Variants in MBOAT2 observed in about 807,000 individuals in gnomAD.
MBOAT2 encodes membrane bound glycerophospholipid O-acyltransferase 2, also known as membrane-bound glycerophospholipid O-acyltransferase 2.
A neutral mutation model predicts 63.4 loss-of-function variants in MBOAT2; 28 were observed. That is an observed-to-expected ratio of 0.44 (90% CI 0.33 to 0.61). The LOEUF (loss-of-function observed/expected upper bound fraction) is 0.61. MBOAT2 is among the 20% of genes least tolerant of loss of function. The pLI, the probability that MBOAT2 is intolerant of heterozygous loss-of-function variation, is 0.03. For missense variants in MBOAT2, 470 were observed against 605.8 expected (o/e 0.78, Z 2.35); for synonymous variants, 211 against 215.6 (o/e 0.98, Z 0.19).
At chr2:8,902,690 T>G (rs1480858863) in intron 4 of MBOAT2, among the ~76,000 whole-genome samples, 1 of 152,210 alleles carries the variant, frequency 6.6e-6, no homozygotes, top group East Asian at 1.9e-4. Flanking sequence ...CTGGACTTGC[T>G]CATTCCTCCC....
At chr2:8,893,970 A>C (rs1377092418) in intron 4 of MBOAT2, among the ~76,000 whole-genome samples, 2 of 151,462 alleles carry the variant, frequency 1.3e-5, no homozygotes, top group Non-Finnish European at 2.9e-5. Context: ...TTTTTTTAAT[A>C]CTCTAAGTTC....
intron 3 of MBOAT2, among the ~76,000 whole-genome samples, chr2:8,917,000 A>C (rs1030839404): frequency 6.6e-6 from 1 of 152,240 alleles, no homozygotes; most frequent in African/African-American, 2.4e-5. Flanking sequence ...AAATAAAGCC[A>C]TACATAGATG....
rs889328491 is a variant in MBOAT2, at chr2:8,858,477, T to A, written c.*202A>T. On this transcript the variant is annotated 3_prime_UTR_variant, in exon 13 of 13. Coordinates refer to ENST00000305997, the MANE Select transcript of MBOAT2 (RefSeq NM_138799.4). Reference sequence around the variant, plus strand: ...ACTGAAATATGGAAATATTCTTACATAAGGCGTGGCCCACGGAGACATGGC... The same window carrying A: ...ACTGAAATATGGAAATATTCTTACAAAAGGCGTGGCCCACGGAGACATGGC... The A allele has an allele frequency of 1.9e-6, 1 of 515,664 alleles. No homozygotes were observed. The highest frequency in any genetic ancestry group is 3.4e-6 in the Non-Finnish European group (1 of 292,600). The allele number at this position is 515,664 out of a possible 1,614,324, so 31.9% of individuals were successfully genotyped here. A position where few individuals can be genotyped will look rare whatever the true frequency, so the allele number is the denominator to read the frequency against.
chr2:8,937,050 G>C (rs1371617392), intron 3 of MBOAT2, among the ~76,000 whole-genome samples: 2 of 152,028 alleles, frequency 1.3e-5, no homozygotes, highest in Non-Finnish European at 2.9e-5. Flanking sequence ...CCCTATGTTC[G>C]GCCCTTCCCT....
At chr2:8,938,698 C>T (rs777584045) in intron 3 of MBOAT2, among the ~76,000 whole-genome samples, 1 of 151,052 alleles carries the variant, frequency 6.6e-6, no homozygotes, top group Non-Finnish European at 1.5e-5. Context: ...ATGTTTCATG[C>T]TGTCACGTTT....
intron 1 of MBOAT2, among the ~76,000 whole-genome samples, chr2:8,959,864 A>G (rs572503169): frequency 6.6e-6 from 1 of 152,298 alleles, no homozygotes; most frequent in African/African-American, 2.4e-5. Flanking sequence ...GACATTAGGA[A>G]CCTGCAAAAA....
intron 8 of MBOAT2, among the ~76,000 whole-genome samples, chr2:8,869,216 T>TC (rs1662130487): frequency 6.6e-6 from 1 of 150,980 alleles, no homozygotes; most frequent in African/African-American, 2.4e-5. Context: ...CTATTTTTTT[T>TC]TTTTTTTTTT....
intron 2 of MBOAT2, among the ~76,000 whole-genome samples, chr2:8,953,970 C>CA (rs1278727593): frequency 6.6e-6 from 1 of 152,236 alleles, no homozygotes; most frequent in Non-Finnish European, 1.5e-5. Context: ...CTAGTGCAAT[C>CA]ATTTGGCAGT....
chr2:8,975,920 A>G (rs1046572179), intron 1 of MBOAT2, among the ~76,000 whole-genome samples: 1 of 151,996 alleles, frequency 6.6e-6, no homozygotes, highest in African/African-American at 2.4e-5. Context: ...TTATCTCCTG[A>G]ATTATATGGC....
At chr2:8,886,322 C>G (rs1360754008) in intron 5 of MBOAT2, among the ~76,000 whole-genome samples, 3 of 152,210 alleles carry the variant, frequency 2.0e-5, no homozygotes, top group Non-Finnish European at 4.4e-5. Flanking sequence ...ATTGACTTTG[C>G]TTGGAATCTT....
At chr2:8,893,477 T>A (rs964153657) in intron 4 of MBOAT2, among the ~76,000 whole-genome samples, 2 of 152,228 alleles carry the variant, frequency 1.3e-5, no homozygotes, top group Non-Finnish European at 2.9e-5. Flanking sequence ...CAAGTGATAA[T>A]AATGCCACTG....
At chr2:8,979,412 C>T (rs1342527306) in intron 1 of MBOAT2, among the ~76,000 whole-genome samples, 1 of 151,950 alleles carries the variant, frequency 6.6e-6, no homozygotes, top group African/African-American at 2.4e-5. Flanking sequence ...ATTATTTTGC[C>T]TCAATGTCAC....
intron 1 of MBOAT2, among the ~76,000 whole-genome samples, chr2:8,980,382 GT>G (rs1671115433): frequency 6.6e-6 from 1 of 152,070 alleles, no homozygotes; most frequent in African/African-American, 2.4e-5. Flanking sequence ...CCCTGACCAA[GT>G]AACCTCTGGC....
At chr2:8,961,636 T>C (rs1425211082) in intron 1 of MBOAT2, among the ~76,000 whole-genome samples, 4 of 151,970 alleles carry the variant, frequency 2.6e-5, no homozygotes, top group Non-Finnish European at 5.9e-5. Flanking sequence ...AAAACAAACC[T>C]AGATTATCCA....
intron 11 of MBOAT2, chr2:8,861,016 TGAGTCTGG>T (rs1661455053): frequency 4.0e-6 from 1 of 252,612 alleles, no homozygotes; most frequent in African/African-American, 2.3e-5. Context: ...AAATGACTGG[TGAGTCTGG>T]GTAAAGGGCA....
At chr2:8,906,107 C>T (rs766458539) in intron 4 of MBOAT2, among the ~76,000 whole-genome samples, 35 of 152,146 alleles carry the variant, frequency 2.3e-4, no homozygotes, top group East Asian at 5.8e-4. Flanking sequence ...TACAGGTATG[C>T]GCCACCATGC....
At chr2:8,947,777 T>G (rs1394659363) in intron 2 of MBOAT2, among the ~76,000 whole-genome samples, 1 of 152,202 alleles carries the variant, frequency 6.6e-6, no homozygotes, top group Non-Finnish European at 1.5e-5. Context: ...ATATTGACAA[T>G]GTACCTGATT....
intron 7 of MBOAT2, among the ~76,000 whole-genome samples, chr2:8,874,385 T>A (rs190288711): frequency 7.2e-5 from 11 of 152,288 alleles, no homozygotes; most frequent in Admixed American, 6.5e-4. Context: ...TACCTATACA[T>A]TTGAATTATG....
chr2:8,989,510 C>T (rs976180342), intron 1 of MBOAT2, among the ~76,000 whole-genome samples: 1 of 152,120 alleles, frequency 6.6e-6, no homozygotes, highest in Non-Finnish European at 1.5e-5. Flanking sequence ...TTTCAAGATA[C>T]GGAGCTGTAT....
Sources: gnomAD v4.1 joint callset for allele counts (sites outside exome capture counted in the v4.1 genomes callset) on GRCh38, gnomAD v4.1.1 for gene constraint, MANE v1.5 for transcripts, NCBI Gene and HGNC (gene_info 2026-07-23, HGNC 2026-07-21) for gene names.